The following CAMTA1 variants were observed in gnomAD, a reference collection of about 807,000 sequenced individuals.
CAMTA1 encodes the protein calmodulin-binding transcription activator 1.
CAMTA1 carries 27 observed loss-of-function variants against 170.9 expected under a neutral mutation model. The observed-to-expected ratio is 0.16, with a 90% CI of 0.12 to 0.22. The LOEUF is 0.22. Ranked by LOEUF, CAMTA1 falls within the 10% of genes least tolerant of loss-of-function variation. The pLI is 1.00. For synonymous variants in CAMTA1, 833 were observed against 891.5 expected, an observed-to-expected ratio of 0.93 and a Z score of 1.17; for missense variants, 1,619 against 2,217.2, an observed-to-expected ratio of 0.73 and a Z score of 5.42.
chr1:7,704,503 C>T (rs1199675665), intron 11 of CAMTA1, among the ~76,000 whole-genome samples: 2 of 147,062 alleles, frequency 1.4e-5, no homozygotes, highest in Non-Finnish European at 1.5e-5. Flanking sequence ...GCGCTCCGCC[C>T]GCAACCTCCG....
rs979257351 is a variant in CAMTA1 at position 7,251,117 on chromosome 1, G to A, written c.438+1491G>A. On this transcript the variant is annotated intron_variant, in intron 5 of 22. Transcript: ENST00000303635. This position sits in a 1 kb window ranked among gnomAD's most constrained non-coding sequence, Gnocchi z 5.1. ...TGCGGGAATTCAAACTGGAAGTCAC[G>A]GCAGCTCCTGTGCCCGTAGGCCCCT... Among the ~76,000 whole-genome samples the A allele has an allele frequency of 7.2e-5, 11 of 152,114 alleles. No homozygotes were observed. Among genetic ancestry groups the A allele is most frequent in the African/African-American group, 1.7e-4 (7 of 41,412 alleles).
rs1210088423 is a variant in CAMTA1 at position 7,460,402 on chromosome 1, G to T, written c.439-7428G>T. 2.0e-5 allele frequency among the ~76,000 whole-genome samples: 3 copies of T among 152,142 alleles called. No homozygotes were observed. The East Asian group carries it at 5.8e-4, about 29-fold the overall frequency. ...CTCTTTGATTTGGTCTCGTGTGTTT[G>T]CCCGGCATGTACACGCTCTCTATCT... On this transcript the variant is annotated intron_variant, in intron 5 of 22. Transcript: ENST00000303635.
Position 7,609,285 on chromosome 1 carries a change from G to C in CAMTA1, c.511-31115G>C, listed in dbSNP as rs369649985. On this transcript the variant is annotated intron_variant, in intron 6 of 22. Coordinates refer to ENST00000303635, the MANE Select transcript of CAMTA1 (RefSeq NM_015215.4). The surrounding 1 kb of genome is among the most constrained non-coding windows in gnomAD (Gnocchi z 4.4). ...CCCACAGCATGGCAGGTGCCCGGCTGCTGGGTCACCCCATCGGCTGTTCTG... is the reference window on the plus strand; with the variant it reads ...CCCACAGCATGGCAGGTGCCCGGCTCCTGGGTCACCCCATCGGCTGTTCTG... Among the ~76,000 whole-genome samples the C allele has an allele frequency of 7.2e-5, 11 of 152,164 alleles. No individual in the cohort carries two copies. Among genetic ancestry groups the C allele is most frequent in the African/African-American group, 2.4e-4 (10 of 41,444 alleles).
chr1:7,668,938 A>G (rs900374271), intron 9 of CAMTA1, among the ~76,000 whole-genome samples: 1 of 152,044 alleles, frequency 6.6e-6, no homozygotes, highest in Admixed American at 6.5e-5. Flanking sequence ...TGGTGCTTCC[A>G]GACATCCCAA....
chr1:6,969,882 T>C (rs1254665177), intron 3 of CAMTA1, among the ~76,000 whole-genome samples: 9 of 152,218 alleles, frequency 5.9e-5, no homozygotes, highest in Non-Finnish European at 1.3e-4. Flanking sequence ...CTTTCTGCAA[T>C]GGCTTCATCT....
intron 3 of CAMTA1, among the ~76,000 whole-genome samples, chr1:6,835,424 T>G (rs973570972): frequency 3.3e-5 from 5 of 152,092 alleles, no homozygotes; most frequent in Non-Finnish European, 5.9e-5. Flanking sequence ...CTGAGCCTGG[T>G]TGGAAGGAAA....
chr1:6,837,114 C>T (rs569584034), intron 3 of CAMTA1, among the ~76,000 whole-genome samples: 35 of 152,176 alleles, frequency 2.3e-4, no homozygotes, highest in African/African-American at 7.2e-4. Context: ...CCACCATACC[C>T]GGCTAATTTT....
At chr1:7,114,070 G>A (rs1159522112) in intron 4 of CAMTA1, among the ~76,000 whole-genome samples, 5 of 152,174 alleles carry the variant, frequency 3.3e-5, no homozygotes, top group African/African-American at 1.2e-4. Flanking sequence ...CTTGGACTTT[G>A]GTGAGATTTG....
chr1:7,443,304 C>T lies in CAMTA1; in HGVS notation c.439-24526C>T, dbSNP rs1021361856. 3.3e-5 allele frequency among the ~76,000 whole-genome samples: 5 copies of T among 152,220 alleles called. No individual in the cohort carries two copies. The highest frequency in any genetic ancestry group is 5.9e-5 in the Non-Finnish European group (4 of 68,050). On this transcript the variant is annotated intron_variant, in intron 5 of 22. Coordinates refer to ENST00000303635, the MANE Select transcript of CAMTA1 (RefSeq NM_015215.4). This position sits in a 1 kb window ranked among gnomAD's most constrained non-coding sequence, Gnocchi z 4.1. ...GGACCAGGTCTGTTCTGGTCCCCAT[C>T]GCATGCTCAGCCCCAGCATCGGGCC...
chr1:6,881,358 G>A (rs1671514585), intron 3 of CAMTA1, among the ~76,000 whole-genome samples: 1 of 152,168 alleles, frequency 6.6e-6, no homozygotes, highest in South Asian at 2.1e-4. Context: ...ATTGAAGGAA[G>A]CAACACTGTG....
chr1:7,460,379 C>T (rs1287660481), intron 5 of CAMTA1, among the ~76,000 whole-genome samples: 7 of 152,218 alleles, frequency 4.6e-5, no homozygotes, highest in Non-Finnish European at 1.0e-4. Context: ...CAACAGGGCT[C>T]TTTGATTTGG....
chr1:7,436,945 G>A (rs565659230), intron 5 of CAMTA1, among the ~76,000 whole-genome samples: 1 of 152,252 alleles, frequency 6.6e-6, no homozygotes, highest in African/African-American at 2.4e-5. Flanking sequence ...TGTGGGCAAA[G>A]CCTGCACGTT....
chr1:7,421,363 G>A (rs1006744494), intron 5 of CAMTA1, among the ~76,000 whole-genome samples: 18 of 152,032 alleles, frequency 1.2e-4, no homozygotes, highest in African/African-American at 4.3e-4. Flanking sequence ...CATGTTGGCC[G>A]GGATGGTCTT....
chr1:7,516,456 C>G (rs1269357101), intron 6 of CAMTA1, among the ~76,000 whole-genome samples: 1 of 152,214 alleles, frequency 6.6e-6, no homozygotes, highest in Non-Finnish European at 1.5e-5. Context: ...CCAGTGCACA[C>G]ACGCCCCTCT....
At chr1:7,301,723 G>A (rs1401531357) in intron 5 of CAMTA1, among the ~76,000 whole-genome samples, 1 of 152,194 alleles carries the variant, frequency 6.6e-6, no homozygotes, top group African/African-American at 2.4e-5. Flanking sequence ...CCAGGTCCGG[G>A]GTGCTCCTGG....
At chr1:7,378,578 G>A (rs2087023721) in intron 5 of CAMTA1, among the ~76,000 whole-genome samples, 2 of 152,246 alleles carry the variant, frequency 1.3e-5, no homozygotes, top group Non-Finnish European at 2.9e-5. Flanking sequence ...GCGGGTGGGT[G>A]GTTGCCTGGG....
intron 5 of CAMTA1, among the ~76,000 whole-genome samples, chr1:7,376,539 C>T (rs914350174): frequency 1.5e-4 from 23 of 152,284 alleles, no homozygotes; most frequent in Non-Finnish European, 3.1e-4. Flanking sequence ...GTGGACGTTC[C>T]ATACCAGTGA....
intron 6 of CAMTA1, among the ~76,000 whole-genome samples, chr1:7,575,199 C>A (rs1447776082): frequency 1.3e-5 from 2 of 152,160 alleles, no homozygotes; most frequent in African/African-American, 2.4e-5. Context: ...TGTGGTTATT[C>A]TTTGCTGAAT....
chr1:7,650,005 G>A (rs1020043544), intron 7 of CAMTA1, among the ~76,000 whole-genome samples: 3 of 152,308 alleles, frequency 2.0e-5, no homozygotes, highest in South Asian at 2.1e-4. Flanking sequence ...TCTGTGGACC[G>A]AGCCTGGCTT....
Sources: gnomAD v4.1 joint callset for allele counts (sites outside exome capture counted in the v4.1 genomes callset) on GRCh38, gnomAD v4.1.1 for gene constraint, Gnocchi (gnomAD v3.1) non-coding constraint, MANE v1.5 for transcripts, NCBI Gene and HGNC (gene_info 2026-07-23, HGNC 2026-07-21) for gene names.